Variants in ZDHHC11B observed in about 807,000 individuals in gnomAD.
ZDHHC11B encodes zDHHC palmitoyltransferase 11B (putative).
In ZDHHC11B, 17 loss-of-function variants were observed where a neutral mutation model predicts 42.3. The ratio of observed to expected loss-of-function variants is 0.40; its 90% confidence interval spans 0.27 to 0.60. The LOEUF (loss-of-function observed/expected upper bound fraction) is 0.60, where lower values mean the gene tolerates loss of function less well. ZDHHC11B is among the 20% of genes least tolerant of loss of function. The pLI is 0.41. For synonymous variants in ZDHHC11B, 123 were observed against 193.5 expected (o/e 0.64, Z 3.02); for missense variants, 262 against 463.2 (o/e 0.57, Z 3.99).
intron 3 of ZDHHC11B, 77 bp downstream of exon 3, chr5:767,315 T>C (rs904767292): frequency 9.4e-6 from 14 of 1,495,382 alleles, no homozygotes; most frequent in Admixed American, 7.0e-5. Context: ...CCCACACACA[T>C]GTGGGGCTCC....
intron 4 of ZDHHC11B, among the ~76,000 whole-genome samples, chr5:763,680 A>G (rs543871016): frequency 7.7e-6 from 1 of 130,578 alleles, no homozygotes; most frequent in Non-Finnish European, 1.7e-5. Context: ...ACGCATCTGT[A>G]GAGACTTGTT....
chr5:774,262 C>T (rs1193704227), intron 1 of ZDHHC11B, among the ~76,000 whole-genome samples: 1 of 152,128 alleles, frequency 6.6e-6, no homozygotes, highest in Admixed American at 6.6e-5. Flanking sequence ...TACAGAAAAC[C>T]TGCCAGAACA....
intron 1 of ZDHHC11B, among the ~76,000 whole-genome samples, chr5:776,228 C>T (rs1179481849): frequency 2.0e-5 from 3 of 151,744 alleles, no homozygotes; most frequent in Admixed American, 6.6e-5. Flanking sequence ...GGGACCCTCT[C>T]GTGCCTGCAG....
In ZDHHC11B at chr5:779,287, G is replaced by C. The variant is rs115253903; in HGVS notation, c.-230+5381C>G. Among the ~76,000 whole-genome samples the C allele has an allele frequency of 3.4e-5, 5 of 149,248 alleles. No individual in the cohort carries two copies. The South Asian group carries it at 1.1e-3, about 32-fold the overall frequency. The stretch of plus-strand genomic sequence containing the variant: ...ACGCTGGGCTTCTGGTCTCCAGGAT[G>C]ATGGGGGAATGCGTCCCTGTTGTGT... On this transcript the variant is annotated intron_variant, in intron 1 of 13. Transcript: ENST00000508859.
intron 1 of ZDHHC11B, among the ~76,000 whole-genome samples, chr5:771,538 G>T (rs1736045040): frequency 6.6e-6 from 1 of 151,126 alleles, no homozygotes; most frequent in Non-Finnish European, 1.5e-5. Flanking sequence ...CTGGGGGCAG[G>T]ATCCTGGGGG....
intron 4 of ZDHHC11B, among the ~76,000 whole-genome samples, chr5:759,703 T>A (rs539906774): frequency 9.1e-4 from 139 of 151,940 alleles, no homozygotes; most frequent in Non-Finnish European, 1.7e-3. Flanking sequence ...AGCCTGGCAC[T>A]CAAACGTCCG....
chr5:717,708 G>T (rs1222767249), intron 12 of ZDHHC11B, among the ~76,000 whole-genome samples: 2 of 151,806 alleles, frequency 1.3e-5, no homozygotes, highest in Admixed American at 6.6e-5. Context: ...ATGACTCCTA[G>T]GAGGAAAGGA....
At chr5:716,514 G>C (rs1741761619) in intron 13 of ZDHHC11B, among the ~76,000 whole-genome samples, 2 of 151,744 alleles carry the variant, frequency 1.3e-5, no homozygotes, top group Admixed American at 1.3e-4. Context: ...ATAATTCTTA[G>C]TTTAGACTTA....
At chr5:732,624 G>C (rs1247444482) in intron 11 of ZDHHC11B, 12 of 450,280 alleles carry the variant, frequency 2.7e-5, no homozygotes, top group Non-Finnish European at 8.9e-6. Context: ...AGTCACAGGA[G>C]CCTGTTCCCT....
rs552074323 is a variant in ZDHHC11B, at chr5:723,880, T to TC, written c.1058+6553dup. 1.4e-4 allele frequency among the ~76,000 whole-genome samples: 20 copies of TC among 138,164 alleles called. No homozygotes were observed. The East Asian group carries it at 4.0e-3, about 27-fold the overall frequency. 90.6% of individuals were successfully genotyped at this position (138,164 alleles called of 152,430 possible). A position where few individuals can be genotyped will look rare whatever the true frequency, so the allele number is the denominator to read the frequency against. ...ATGGGAGGGGTCAAGTTGCGCAGCC[T>TC]CCCCCTCGCTGTGCAGCCTCTTGGG... On this transcript the variant is annotated intron_variant, in intron 12 of 13. Coordinates refer to ENST00000508859, the MANE Select transcript of ZDHHC11B (RefSeq NM_001351303.2).
At chr5:736,561 A>G (rs1315500825) in intron 10 of ZDHHC11B, among the ~76,000 whole-genome samples, 4 of 148,306 alleles carry the variant, frequency 2.7e-5, no homozygotes, top group African/African-American at 9.9e-5. Flanking sequence ...GATACATCAT[A>G]TAATAGGCCA....
intron 8 of ZDHHC11B, among the ~76,000 whole-genome samples, chr5:746,634 A>T (rs451392): frequency 6.8e-6 from 1 of 147,912 alleles, no homozygotes; most frequent in Admixed American, 6.9e-5. Flanking sequence ...CTGCTCTGCC[A>T]CCTGAGGCAA....
At chr5:767,619 C>T (rs1402903009) in intron 2 of ZDHHC11B, 95 bp from the exon 3 acceptor site, 1 of 1,009,246 alleles carries the variant, frequency 9.9e-7, no homozygotes, top group African/African-American at 1.6e-5. Context: ...GAGGGACCGC[C>T]TGGCTGGCAG....
At chr5:732,341 C>T (rs1166380819) in intron 11 of ZDHHC11B, 3 of 226,276 alleles carry the variant, frequency 1.3e-5, no homozygotes, top group Non-Finnish European at 2.7e-5. Flanking sequence ...TATTCATCCA[C>T]ACATAGATGC....
chr5:717,971 C>A (rs1193574938), intron 12 of ZDHHC11B, among the ~76,000 whole-genome samples: 2 of 151,684 alleles, frequency 1.3e-5, no homozygotes, highest in Non-Finnish European at 2.9e-5. Context: ...TTGGTAGACA[C>A]AGAGAAGTGC....
Position 777,828 on chromosome 5 carries a change from ACTC to A in ZDHHC11B, c.-230+6837_-230+6839del, listed in dbSNP as rs567290345. ...CGCCAGTACTGCGCCACGCGCCCGC[ACTC>A]CTCAGCCCTTGGGCGGTCCATGGGA... On this transcript the variant is annotated intron_variant, in intron 1 of 13. Transcript: ENST00000508859. Among the ~76,000 whole-genome samples the A allele has an allele frequency of 8.2e-3, 1,244 of 151,346 alleles. 8 individuals are homozygous for A. Among genetic ancestry groups the A allele is most frequent in the African/African-American group, 0.015 (633 of 41,130 alleles).
chr5:745,472 G>A (rs1223481629), intron 8 of ZDHHC11B, among the ~76,000 whole-genome samples, 174 bp from the exon 9 acceptor site: 2 of 149,822 alleles, frequency 1.3e-5, no homozygotes, highest in Non-Finnish European at 3.0e-5. Flanking sequence ...ATGCCTTGTG[G>A]GCCCAGGTCT....
chr5:741,204 C>T (rs1248270380), intron 10 of ZDHHC11B, among the ~76,000 whole-genome samples: 3 of 130,776 alleles, frequency 2.3e-5, no homozygotes, highest in African/African-American at 8.1e-5. Context: ...CACCTTGACT[C>T]AGGAATGGGT....
chr5:730,439 T>A lies in ZDHHC11B; in HGVS notation c.1053A>T (p.Thr351=). The A allele has an allele frequency of 6.3e-7, 1 of 1,578,146 alleles. No homozygotes were observed. Among genetic ancestry groups the A allele is most frequent in the Non-Finnish European group, 8.6e-7 (1 of 1,168,640 alleles). The change falls in exon 12 of 14, where the codon ACA becomes ACT. Residue 351 remains threonine (T), a synonymous_variant. Transcript: ENST00000508859. ...CATTAAACTTACGAACTTACCCAAGTGTAGATGTACTCGGGGCATCATCTG... is the reference window on the plus strand; with the variant it reads ...CATTAAACTTACGAACTTACCCAAGAGTAGATGTACTCGGGGCATCATCTG... ...QEADDAPSTS[T]LGLQQETTEP... is the part of the protein sequence containing the mutation.
Sources: gnomAD v4.1 joint callset for allele counts (sites outside exome capture counted in the v4.1 genomes callset) on GRCh38, gnomAD v4.1.1 for gene constraint, MANE v1.5 for transcripts, NCBI Gene and HGNC (gene_info 2026-07-23, HGNC 2026-07-21) for gene names.